RBFOX1: variants seen among roughly 807,000 people sequenced by gnomAD.
The protein encoded by RBFOX1 is RNA binding protein fox-1 homolog 1.
In RBFOX1, 8 loss-of-function variants were observed where a neutral mutation model predicts 57.7. The ratio of observed to expected loss-of-function variants is 0.14; its 90% CI spans 0.08 to 0.25. RBFOX1 has a LOEUF of 0.25. Among genes scored for constraint, RBFOX1 ranks in the 10% least tolerant of loss-of-function variants. RBFOX1 has a pLI of 1.00. For synonymous variants in RBFOX1, 326 were observed against 222.4 expected, an observed-to-expected ratio of 1.47 and a Z score of -4.15; for missense variants, 611 against 548.5, an observed-to-expected ratio of 1.11 and a Z score of -1.14.
chr16:6,927,062 T>C (rs1232275314), intron 3 of RBFOX1, among the ~76,000 whole-genome samples: 1 of 152,052 alleles, frequency 6.6e-6, no homozygotes, highest in Non-Finnish European at 1.5e-5. Context: ...CCACCATTTT[T>C]CTTTTCCTAT....
At chr16:7,229,521 G>A (rs2093352145) in intron 4 of RBFOX1, among the ~76,000 whole-genome samples, 1 of 149,928 alleles carries the variant, frequency 6.7e-6, no homozygotes, top group Admixed American at 6.7e-5. Flanking sequence ...GAAAGGAAAG[G>A]AGAGGAGAGG....
At chr16:5,889,868 G>A (rs2058003770) in intron 4 of RBFOX1, among the ~76,000 whole-genome samples, 1 of 152,196 alleles carries the variant, frequency 6.6e-6, no homozygotes, top group Non-Finnish European at 1.5e-5. Flanking sequence ...ATTCACCCCA[G>A]AATGGCTGGA....
At chr16:5,677,425 G>A (rs1249857039) in intron 3 of RBFOX1, among the ~76,000 whole-genome samples, 4 of 152,168 alleles carry the variant, frequency 2.6e-5, no homozygotes, top group African/African-American at 9.7e-5. Context: ...ATGGGTCCCT[G>A]TTTACAGTAG....
At chr16:5,871,742 A>T (rs540590671) in intron 4 of RBFOX1, among the ~76,000 whole-genome samples, 7 of 152,232 alleles carry the variant, frequency 4.6e-5, no homozygotes, top group African/African-American at 1.7e-4. Flanking sequence ...AAAAAAATTC[A>T]TTTCATTTCA....
intron 4 of RBFOX1, among the ~76,000 whole-genome samples, chr16:7,104,533 A>C (rs188901129): frequency 1.5e-3 from 227 of 152,278 alleles, no homozygotes; most frequent in African/African-American, 5.3e-3. Flanking sequence ...TGGCTTACCT[A>C]AGATTACGCA....
chr16:6,283,613 C>T (rs937472753), intron 1 of RBFOX1, among the ~76,000 whole-genome samples: 1 of 152,080 alleles, frequency 6.6e-6, no homozygotes, highest in Non-Finnish European at 1.5e-5. Flanking sequence ...GGAAAGGATG[C>T]CTAACTTTAT....
intron 5 of RBFOX1, among the ~76,000 whole-genome samples, chr16:7,520,905 A>T (rs1507012): frequency 0.89 from 134,273 of 150,882 alleles, 59,508 homozygotes; most frequent in Middle Eastern, 0.93. Context: ...ACAAATATTT[A>T]TTAAGCTTCT....
At chr16:7,419,707 T>C (rs1051205438) in intron 4 of RBFOX1, among the ~76,000 whole-genome samples, 2 of 152,192 alleles carry the variant, frequency 1.3e-5, no homozygotes, top group African/African-American at 4.8e-5. Flanking sequence ...GTAGTTCCTG[T>C]TTTGTCTGTT....
intron 3 of RBFOX1, among the ~76,000 whole-genome samples, chr16:5,828,647 C>T (rs748156060): frequency 1.4e-4 from 21 of 151,698 alleles, no homozygotes; most frequent in African/African-American, 4.6e-4. Context: ...TGCAGTGAGC[C>T]GAGATCATGC....
At chr16:5,716,634 G>A (rs555755666) in intron 3 of RBFOX1, among the ~76,000 whole-genome samples, 3 of 152,348 alleles carry the variant, frequency 2.0e-5, no homozygotes, top group Admixed American at 6.5e-5. Flanking sequence ...TTCAGCCATC[G>A]TGCAAGACAG....
intron 3 of RBFOX1, among the ~76,000 whole-genome samples, chr16:5,631,175 G>A (rs1476211563): frequency 6.6e-6 from 1 of 152,210 alleles, no homozygotes; most frequent in African/African-American, 2.4e-5. Context: ...TTGCTCTGAT[G>A]AAGGTGATGA....
chr16:5,778,005 G>A (rs555455660), intron 3 of RBFOX1, among the ~76,000 whole-genome samples: 57 of 152,256 alleles, frequency 3.7e-4, no homozygotes, highest in African/African-American at 1.3e-3. Flanking sequence ...AGATTCAGGA[G>A]CATTAAGATA....
chr16:5,575,570 G>A (rs1392371941), intron 2 of RBFOX1, among the ~76,000 whole-genome samples: 2 of 152,226 alleles, frequency 1.3e-5, no homozygotes, highest in Non-Finnish European at 2.9e-5. Context: ...CCTGACGGAA[G>A]TGAACACACA....
At chr16:6,930,772 C>T (rs2076373024) in intron 3 of RBFOX1, among the ~76,000 whole-genome samples, 1 of 152,076 alleles carries the variant, frequency 6.6e-6, no homozygotes, top group African/African-American at 2.4e-5. Flanking sequence ...ACTTGATCCT[C>T]CCTCAGAGAG....
intron 4 of RBFOX1, among the ~76,000 whole-genome samples, chr16:7,104,459 C>T (rs1338638182): frequency 1.3e-5 from 2 of 152,046 alleles, no homozygotes; most frequent in African/African-American, 4.8e-5. Context: ...GATTCTAATT[C>T]ATGGACAAGG....
At chr16:5,812,028 T>C (rs1234493449) in intron 3 of RBFOX1, among the ~76,000 whole-genome samples, 3 of 152,210 alleles carry the variant, frequency 2.0e-5, no homozygotes, top group Non-Finnish European at 2.9e-5. Context: ...TTTCATGTAA[T>C]TGAATAGAAA....
intron 1 of RBFOX1, among the ~76,000 whole-genome samples, chr16:5,343,723 C>T (rs1466611707): frequency 6.6e-6 from 1 of 152,122 alleles, no homozygotes; most frequent in Non-Finnish European, 1.5e-5. Flanking sequence ...ATAAGGTTGA[C>T]CTGGTGACTA....
At chr16:7,361,936 A>ATG (rs1452378529) in intron 4 of RBFOX1, among the ~76,000 whole-genome samples, 1 of 141,568 alleles carries the variant, frequency 7.1e-6, no homozygotes, top group Non-Finnish European at 1.5e-5. Context: ...GTTAGTGTGT[A>ATG]TGTGTGTGCA....
chr16:6,315,559 GGATGGATGGATGGATGGATA>G (rs1406698899), intron 1 of RBFOX1, among the ~76,000 whole-genome samples: 113 of 72,236 alleles, frequency 1.6e-3, no homozygotes, highest in African/African-American at 3.8e-3. Context: ...ATGGATGGAT[GGATGGATGGATGGATGGATA>G]GATGGATGGA....
Sources: gnomAD v4.1 joint callset for allele counts (sites outside exome capture counted in the v4.1 genomes callset) on GRCh38, gnomAD v4.1.1 for gene constraint, MANE v1.5 for transcripts, NCBI Gene and HGNC (gene_info 2026-07-23, HGNC 2026-07-21) for gene names.